The following PCDH9 variants were observed in gnomAD, a reference collection of about 807,000 sequenced individuals.
PCDH9 encodes protocadherin 9.
In PCDH9, 24 loss-of-function variants were observed where a neutral mutation model predicts 70.6. The observed-to-expected ratio is 0.34, with a 90% CI of 0.25 to 0.48. PCDH9 has a LOEUF of 0.48. PCDH9 is among the 20% of genes least tolerant of loss of function. The probability of loss-of-function intolerance (pLI) is 0.99; values close to 1 mark genes in which losing one functional copy is unlikely to be tolerated. For missense variants in PCDH9, 1,281 were observed against 1,503.6 expected, an observed-to-expected ratio of 0.85 and a Z score of 2.45; for synonymous variants, 562 against 558.5, an observed-to-expected ratio of 1.01 and a Z score of -0.09.
At chr13:67,151,760 A>G (rs1180173593) in intron 2 of PCDH9, among the ~76,000 whole-genome samples, 1 of 146,438 alleles carries the variant, frequency 6.8e-6, no homozygotes, top group Non-Finnish European at 1.5e-5. Flanking sequence ...ACTTATCATT[A>G]TGCTCAGGGA....
At chr13:66,626,287 A>G (rs1335428643) in intron 4 of PCDH9, among the ~76,000 whole-genome samples, 1 of 152,206 alleles carries the variant, frequency 6.6e-6, no homozygotes, top group East Asian at 1.9e-4. Context: ...GATAAAGACT[A>G]GAAAGTCCTT....
chr13:66,904,972 A>T (rs2082336391), intron 2 of PCDH9, among the ~76,000 whole-genome samples: 1 of 152,036 alleles, frequency 6.6e-6, no homozygotes. Context: ...ATTTAATTTT[A>T]ACTCTATTCA....
At chr13:66,363,468 A>G (rs1956504515) in intron 4 of PCDH9, among the ~76,000 whole-genome samples, 1 of 152,180 alleles carries the variant, frequency 6.6e-6, no homozygotes, top group African/African-American at 2.4e-5. Flanking sequence ...AAAATGAACA[A>G]TGTATTTGTA....
chr13:67,050,327 A>AT (rs2085298284), intron 2 of PCDH9, among the ~76,000 whole-genome samples: 1 of 152,126 alleles, frequency 6.6e-6, no homozygotes, highest in Admixed American at 6.5e-5. Context: ...AAAAAATGCA[A>AT]TTTTATCATA....
chr13:66,961,001 T>C (rs957134430), intron 2 of PCDH9, among the ~76,000 whole-genome samples: 1 of 152,204 alleles, frequency 6.6e-6, no homozygotes, highest in African/African-American at 2.4e-5. Flanking sequence ...AATGAATAAA[T>C]ATACACATAC....
intron 2 of PCDH9, among the ~76,000 whole-genome samples, chr13:67,093,968 A>G (rs967944311): frequency 4.6e-5 from 7 of 152,220 alleles, no homozygotes. Context: ...AATAGAAAGT[A>G]GAACAAGAAT....
intron 2 of PCDH9, among the ~76,000 whole-genome samples, chr13:67,017,107 T>A (rs2084578650): frequency 6.6e-6 from 1 of 152,194 alleles, no homozygotes; most frequent in South Asian, 2.1e-4. Context: ...ATCGAGCAAA[T>A]GTGTATCATA....
At chr13:66,387,872 T>C (rs1346713973) in intron 4 of PCDH9, among the ~76,000 whole-genome samples, 2 of 152,170 alleles carry the variant, frequency 1.3e-5, no homozygotes, top group Non-Finnish European at 2.9e-5. Context: ...CACCTCAGTC[T>C]CCAGAGCCTA....
At chr13:66,532,488 T>C (rs2138636048) in intron 4 of PCDH9, among the ~76,000 whole-genome samples, 2 of 152,302 alleles carry the variant, frequency 1.3e-5, no homozygotes, top group East Asian at 3.9e-4. Context: ...ACAAAAATTC[T>C]TGGCAATGAA....
intron 2 of PCDH9, among the ~76,000 whole-genome samples, chr13:66,945,349 G>A (rs963541605): frequency 6.6e-6 from 1 of 151,926 alleles, no homozygotes; most frequent in African/African-American, 2.4e-5. Flanking sequence ...CCTTCTTTGA[G>A]TGCCATATTC....
At chr13:66,325,832 A>AT (rs1955833195) in intron 4 of PCDH9, among the ~76,000 whole-genome samples, 1 of 152,176 alleles carries the variant, frequency 6.6e-6, no homozygotes, top group African/African-American at 2.4e-5. Context: ...ACAGAATTAG[A>AT]TTAACTATGT....
intron 4 of PCDH9, among the ~76,000 whole-genome samples, chr13:66,419,743 T>TGAGC (rs1326968322): frequency 6.7e-6 from 1 of 150,064 alleles, no homozygotes; most frequent in East Asian, 2.0e-4. Context: ...GGGCAGACAC[T>TGAGC]GAGCTAGCTA....
chr13:66,696,947 T>C (rs1180710485), intron 3 of PCDH9, among the ~76,000 whole-genome samples: 2 of 151,508 alleles, frequency 1.3e-5, no homozygotes, highest in Non-Finnish European at 2.9e-5. Flanking sequence ...ACTGTATATG[T>C]ATAATCCAGG....
chr13:66,892,022 C>T (rs1216026566), intron 3 of PCDH9, among the ~76,000 whole-genome samples: 1 of 151,548 alleles, frequency 6.6e-6, no homozygotes, highest in Non-Finnish European at 1.5e-5. Flanking sequence ...ATGATGTGGC[C>T]TATTAAAACT....
intron 3 of PCDH9, among the ~76,000 whole-genome samples, chr13:66,775,114 C>T (rs1451370696): frequency 1.3e-5 from 2 of 152,130 alleles, no homozygotes; most frequent in East Asian, 3.8e-4. Flanking sequence ...TGAGCTAACA[C>T]AGTGTTTCTT....
chr13:67,071,078 T>C (rs1329109683), intron 2 of PCDH9, among the ~76,000 whole-genome samples: 1 of 152,130 alleles, frequency 6.6e-6, no homozygotes, highest in Non-Finnish European at 1.5e-5. Flanking sequence ...CTTCAGAGAT[T>C]TTCTTCTAAG....
At chr13:66,621,672 T>G (rs2138902450) in intron 4 of PCDH9, among the ~76,000 whole-genome samples, 1 of 152,316 alleles carries the variant, frequency 6.6e-6, no homozygotes, top group Non-Finnish European at 1.5e-5. Flanking sequence ...ATCTAAATTT[T>G]TATTAATCTA....
At chr13:67,084,997 A>AAAATATAT (rs1566414172) in intron 2 of PCDH9, among the ~76,000 whole-genome samples, 6 of 33,194 alleles carry the variant, frequency 1.8e-4, no homozygotes, top group African/African-American at 3.5e-4. Flanking sequence ...AAAAAAAAAA[A>AAAATATAT]ATATATATAT....
intron 4 of PCDH9, among the ~76,000 whole-genome samples, chr13:66,555,940 A>ATTATATATATAAGATATATACATT (rs1961720730): frequency 6.7e-6 from 1 of 148,264 alleles, no homozygotes; most frequent in African/African-American, 2.4e-5. Flanking sequence ...ATATATACAT[A>ATTATATATATAAGATATATACATT]TTATATATAT....
Sources: gnomAD v4.1 joint callset for allele counts (sites outside exome capture counted in the v4.1 genomes callset) on GRCh38, gnomAD v4.1.1 for gene constraint, MANE v1.5 for transcripts, NCBI Gene and HGNC (gene_info 2026-07-23, HGNC 2026-07-21) for gene names.